Variants in RBM46 observed in about 807,000 individuals in gnomAD.
The protein encoded by RBM46 is RNA binding motif protein 46.
A neutral mutation model predicts 43.3 loss-of-function variants in RBM46; 12 were observed. The observed-to-expected ratio is 0.28, with a 90% confidence interval of 0.18 to 0.45. The LOEUF (loss-of-function observed/expected upper bound fraction) is 0.45. RBM46 is among the 20% of genes least tolerant of loss of function. RBM46 has a pLI of 1.00. For synonymous variants in RBM46, 205 were observed against 207.6 expected (o/e 0.99, Z 0.11); for missense variants, 412 against 639.1 (o/e 0.64, Z 3.83).
rs143408830 is a variant in RBM46, at chr4:154,827,942, G to A, written c.1477G>A (p.Val493Met). ...SATLSSGTPS[V>M]LPYTSRPYSY... The stretch of plus-strand genomic sequence containing the variant: ...TACCCTCTCTTCTGGGACTCCCAGC[G>A]TGCTTCCTTATACTTCAAGGCCTTA... Residue 493 changes from valine (V) to methionine (M), a missense_variant, in exon 5 of 5, where the codon GTG becomes ATG. Coordinates refer to ENST00000281722, the MANE Select transcript of RBM46 (RefSeq NM_144979.5). 1.1e-5 allele frequency: 18 copies of A among 1,613,602 alleles called. No homozygotes were observed. The highest frequency in any genetic ancestry group is 6.6e-5 in the South Asian group (6 of 91,076).
intron 4 of RBM46, among the ~76,000 whole-genome samples, chr4:154,816,249 G>A (rs1276026468): frequency 1.3e-5 from 2 of 151,928 alleles, no homozygotes; most frequent in African/African-American, 2.4e-5. Flanking sequence ...TTTAGAATCA[G>A]TTTGTAACTT....
chr4:154,792,704 A>G (rs1273770355), intron 1 of RBM46, among the ~76,000 whole-genome samples: 1 of 152,218 alleles, frequency 6.6e-6, no homozygotes, highest in African/African-American at 2.4e-5. Flanking sequence ...TATTAGGAAT[A>G]GGAAAGGCCA....
At chr4:154,805,474 A>G (rs1734864135) in intron 4 of RBM46, among the ~76,000 whole-genome samples, 1 of 152,034 alleles carries the variant, frequency 6.6e-6, no homozygotes, top group Non-Finnish European at 1.5e-5. Flanking sequence ...TTTTCTGGTA[A>G]TTGAATAGTA....
chr4:154,803,436 C>G (rs996125263), intron 4 of RBM46, among the ~76,000 whole-genome samples: 3 of 152,040 alleles, frequency 2.0e-5, no homozygotes, highest in African/African-American at 2.4e-5. Context: ...CGCGGTGGCT[C>G]ACGCCTGTAA....
rs1425285663 is a variant in RBM46 at position 154,796,807 on chromosome 4, A to G, written c.55A>G (p.Ile19Val). 1 of 1,613,598 alleles carries G rather than the reference A, an allele frequency of 6.2e-7. No individual in the cohort carries two copies. Among genetic ancestry groups the G allele is most frequent in the Non-Finnish European group, 8.5e-7 (1 of 1,179,588 alleles). ...TGGATGCAGTAAAGTTCGAACTGGT[A>G]TTCAGAATGAAGCAGCATTACTTGC... is the stretch of plus-strand genomic sequence containing the variant. ...TNGCSKVRTG[I>V]QNEAALLALM... Residue 19 changes from isoleucine to valine, a missense_variant, in exon 2 of 5, where the codon ATT becomes GTT. By Grantham distance (29) the Ile-to-Val change is conservative. Transcript: ENST00000281722.
intron 4 of RBM46, among the ~76,000 whole-genome samples, chr4:154,800,330 G>A (rs946915286): frequency 1.3e-5 from 2 of 152,118 alleles, no homozygotes; most frequent in Non-Finnish European, 2.9e-5. Flanking sequence ...CAGATGGGTC[G>A]TGTGTAGACA....
intron 4 of RBM46, among the ~76,000 whole-genome samples, chr4:154,816,903 T>TA (rs1415628135): frequency 6.6e-6 from 1 of 152,166 alleles, no homozygotes; most frequent in East Asian, 1.9e-4. Flanking sequence ...TTTTGTCAAA[T>TA]ACTTTTTTGC....
rs1735999372 is a variant in RBM46, at chr4:154,827,027, A to C, written c.1403-841A>C. 3 of 1,226,478 alleles carry C rather than the reference A, an allele frequency of 2.4e-6. No homozygotes were observed. The Admixed American group carries it at 1.3e-4, about 51-fold the overall frequency. The allele number at this position is 1,226,478 out of a possible 1,614,324, so 76.0% of individuals were successfully genotyped here. ...CACACCCTTGGCTTATTTTACACTA[A>C]AGAACATAGTTGAGTTTTTGGAAGG... On this transcript the variant is annotated intron_variant, in intron 4 of 4. Coordinates refer to ENST00000281722, the MANE Select transcript of RBM46 (RefSeq NM_144979.5).
chr4:154,803,426 C>T (rs867099456), intron 4 of RBM46, among the ~76,000 whole-genome samples: 4 of 152,084 alleles, frequency 2.6e-5, no homozygotes, highest in African/African-American at 7.2e-5. Flanking sequence ...ATGGGCTGGG[C>T]GCGGTGGCTC....
At chr4:154,814,451 A>T (rs1735329197) in intron 4 of RBM46, among the ~76,000 whole-genome samples, 1 of 152,062 alleles carries the variant, frequency 6.6e-6, no homozygotes, top group Non-Finnish European at 1.5e-5. Flanking sequence ...CAGGAAATTG[A>T]GACTCTGCTG....
At chr4:154,792,106 G>A (rs1239672119) in intron 1 of RBM46, among the ~76,000 whole-genome samples, 1 of 152,030 alleles carries the variant, frequency 6.6e-6, no homozygotes, top group Admixed American at 6.5e-5. Context: ...TACAAGTAGG[G>A]GTTAGTAGCC....
At chr4:154,799,686 CA>C in intron 4 of RBM46, 122 bp downstream of exon 4, 1 of 602,862 alleles carries the variant, frequency 1.7e-6, no homozygotes, top group Non-Finnish European at 2.5e-6. Context: ...AATTTTATCT[CA>C]ATTTTATAAA....
At position 154,798,970 on chromosome 4, in the gene RBM46, C is replaced by A. The variant is rs867996134; in HGVS notation, c.808C>A (p.Leu270Ile). 6.2e-7 allele frequency: 1 copy of A among 1,613,582 alleles called. No individual in the cohort carries two copies. The highest frequency in any genetic ancestry group is 1.7e-5 in the Admixed American group (1 of 59,946). Residue 270 changes from leucine to isoleucine, a missense_variant, in exon 4 of 5, where the codon CTT (leucine) becomes ATT (isoleucine). Leu to Ile is a conservative substitution (Grantham distance 5). Coordinates refer to ENST00000281722, the MANE Select transcript of RBM46 (RefSeq NM_144979.5). The part of the protein sequence containing the change: ...KPGAVERVKK[L>I]RDYAFVHFFN... Reference sequence around the variant, plus strand: ...TGGTGCAGTTGAACGGGTAAAGAAACTTAGAGATTATGCTTTTGTTCACTT... The same window carrying A: ...TGGTGCAGTTGAACGGGTAAAGAAAATTAGAGATTATGCTTTTGTTCACTT...
chr4:154,825,400 T>C (rs1250072724), intron 4 of RBM46, among the ~76,000 whole-genome samples: 1 of 152,178 alleles, frequency 6.6e-6, no homozygotes, highest in Non-Finnish European at 1.5e-5. Context: ...TTGGTTTGTA[T>C]TGTATTTTCC....
At chr4:154,792,133 A>C (rs560475434) in intron 1 of RBM46, among the ~76,000 whole-genome samples, 1 of 152,200 alleles carries the variant, frequency 6.6e-6, no homozygotes, top group African/African-American at 2.4e-5. Flanking sequence ...TTGGGCAAAC[A>C]GATTTCTGAT....
At chr4:154,793,154 G>A (rs1315172475) in intron 1 of RBM46, among the ~76,000 whole-genome samples, 13 of 152,134 alleles carry the variant, frequency 8.5e-5, no homozygotes, top group Admixed American at 7.9e-4. Flanking sequence ...TCTTTCTCAC[G>A]TATTTCTTGA....
At chr4:154,786,079 C>A (rs921545589) in intron 1 of RBM46, among the ~76,000 whole-genome samples, 7 of 152,108 alleles carry the variant, frequency 4.6e-5, no homozygotes, top group African/African-American at 1.7e-4. Context: ...GTTGGTTGCT[C>A]AGTCAATCCT....
Position 154,799,357 on chromosome 4 carries a change from G to T in RBM46, c.1195G>T (p.Asp399Tyr). ...NHFNSAVMHL[D>Y]YYCNKNNWAP... ...TTTTAATTCTGCAGTAATGCATTTGGATTATTACTGCAACAAAAATAACTG... is the reference window on the plus strand; with the variant it reads ...TTTTAATTCTGCAGTAATGCATTTGTATTATTACTGCAACAAAAATAACTG... Residue 399 changes from aspartate to tyrosine, a missense_variant, in exon 4 of 5, where the codon GAT becomes TAT. Asp to Tyr is a radical substitution (Grantham distance 160). Coordinates refer to ENST00000281722, the MANE Select transcript of RBM46 (RefSeq NM_144979.5). 1 of 1,613,522 alleles carries T rather than the reference G, an allele frequency of 6.2e-7. No homozygotes were observed. The highest frequency in any genetic ancestry group is 1.1e-5 in the South Asian group (1 of 91,026).
At chr4:154,800,983 T>A (rs1260103451) in intron 4 of RBM46, among the ~76,000 whole-genome samples, 18 of 82,212 alleles carry the variant, frequency 2.2e-4, no homozygotes, top group South Asian at 4.2e-4. Context: ...GTATTAGAAA[T>A]TTTTTTTTTT....
Sources: allele counts gnomAD v4.1 joint callset (sites outside exome capture counted in the v4.1 genomes callset), GRCh38; gene constraint gnomAD v4.1.1; transcripts MANE v1.5; gene names NCBI Gene and HGNC (gene_info 2026-07-23, HGNC 2026-07-21).